Variants in CEP164 observed in about 807,000 individuals in gnomAD.
CEP164 encodes the protein centrosomal protein 164.
A neutral mutation model predicts 182.7 loss-of-function variants in CEP164; 162 were observed. That is an observed-to-expected ratio of 0.89 (90% CI 0.78 to 1.01). The LOEUF is 1.01. Among genes scored for constraint, CEP164 ranks in the 50% least tolerant of loss-of-function variants. The pLI, the probability that CEP164 is intolerant of heterozygous loss-of-function variation, is 0.00. For synonymous variants in CEP164, 661 were observed against 690.0 expected (o/e 0.96, Z 0.66); for missense variants, 1,735 against 1,790.4 (o/e 0.97, Z 0.56).
chr11:117,353,032 C>A (rs937654880), intron 5 of CEP164, among the ~76,000 whole-genome samples: 1 of 152,112 alleles, frequency 6.6e-6, no homozygotes, highest in Middle Eastern at 3.2e-3. Flanking sequence ...AGACCTGGAG[C>A]CATACCAAAG....
intron 4 of CEP164, among the ~76,000 whole-genome samples, chr11:117,346,297 C>T (rs937024132): frequency 6.7e-6 from 1 of 150,338 alleles, no homozygotes; most frequent in Non-Finnish European, 1.5e-5. Flanking sequence ...GAGATGGAGT[C>T]TTGCTCTGTC....
chr11:117,338,066 T>C (rs2037488408), intron 2 of CEP164, among the ~76,000 whole-genome samples: 1 of 152,244 alleles, frequency 6.6e-6, no homozygotes, highest in South Asian at 2.1e-4. Context: ...TTTTTTCCCT[T>C]CTGCCTTCTG....
At chr11:117,389,031 A>C (rs1368418473) in intron 15 of CEP164, among the ~76,000 whole-genome samples, 1 of 152,038 alleles carries the variant, frequency 6.6e-6, no homozygotes, top group African/African-American at 2.4e-5. Context: ...CGGCCTCCCA[A>C]AGTGCTGGGA....
rs182392746 is a variant in CEP164, at chr11:117,382,096, C to T, written c.1577+228C>T. ...GTGCCTCTTCCTAGTCCTCAGTCTA[C>T]AGCTGAAATCAGGGTATGTGGTCTG... On this transcript the variant is annotated intron_variant, in intron 13 of 32. Coordinates refer to ENST00000278935, the MANE Select transcript of CEP164 (RefSeq NM_014956.5). 3.9e-5 allele frequency among the ~76,000 whole-genome samples: 6 copies of T among 152,216 alleles called. No individual in the cohort carries two copies. The East Asian group carries it at 5.8e-4, about 15-fold the overall frequency.
At chr11:117,405,999 G>A (rs1367880312) in intron 27 of CEP164, among the ~76,000 whole-genome samples, 5 of 152,104 alleles carry the variant, frequency 3.3e-5, no homozygotes, top group Admixed American at 6.5e-5. Flanking sequence ...ACATTTTCCT[G>A]TCTTCTTCTG....
At position 117,339,515 on chromosome 11, in the gene CEP164, G is replaced by GTTTTTTTTTTTTTTTTTTTTT. The variant is rs1199425322; in HGVS notation, c.82+853_82+854insTTTTTTTTTTTTTTTTTTTTT. Among the ~76,000 whole-genome samples, 5 of 90,870 alleles carry GTTTTTTTTTTTTTTTTTTTTT rather than the reference G, an allele frequency of 5.5e-5. 2 individuals are homozygous for GTTTTTTTTTTTTTTTTTTTTT. The highest frequency in any genetic ancestry group is 4.1e-5 in the Non-Finnish European group (2 of 48,374). The allele number at this position is 90,870 out of a possible 152,430, so 59.6% of individuals were successfully genotyped here. On this transcript the variant is annotated intron_variant, in intron 3 of 32. Transcript: ENST00000278935. ...GTATTACCTTATTACCTTTTCCTTTGTTTTTTGTTTTTTTTTTTTTTTTTT... is the reference window on the plus strand; with the variant it reads ...GTATTACCTTATTACCTTTTCCTTTGTTTTTTTTTTTTTTTTTTTTTTTTTTTGTTTTTTTTTTTTTTTTTT...
At chr11:117,403,712 T>C (rs1339085034) in intron 27 of CEP164, among the ~76,000 whole-genome samples, 1 of 152,206 alleles carries the variant, frequency 6.6e-6, no homozygotes, top group Non-Finnish European at 1.5e-5. Flanking sequence ...TCCTGCTAGG[T>C]TGGGGAAGTT....
At chr11:117,401,065 G>C (rs180877278) in intron 27 of CEP164, among the ~76,000 whole-genome samples, 1 of 152,038 alleles carries the variant, frequency 6.6e-6, no homozygotes, top group African/African-American at 2.4e-5. Flanking sequence ...GTCTTGTGCC[G>C]GTTTTCAAAG....
chr11:117,389,058 C>T (rs1246820697), intron 15 of CEP164, among the ~76,000 whole-genome samples: 1 of 152,168 alleles, frequency 6.6e-6, no homozygotes, highest in African/African-American at 2.4e-5. Flanking sequence ...GCGTGAGCCA[C>T]TGTGCCCGGC....
At chr11:117,343,491 A>G (rs1475800103) in intron 3 of CEP164, among the ~76,000 whole-genome samples, 1 of 152,198 alleles carries the variant, frequency 6.6e-6, no homozygotes, top group East Asian at 1.9e-4. Context: ...TTTTGCACCA[A>G]GCTTTTGCAA....
At chr11:117,362,337 A>G (rs2041088854) in intron 6 of CEP164, 67 bp from the exon 7 acceptor site, 1 of 1,519,926 alleles carries the variant, frequency 6.6e-7, no homozygotes, top group Non-Finnish European at 9.0e-7. Flanking sequence ...AGTGGGGAGG[A>G]GCATTCTAAA....
At chr11:117,392,471 C>T (rs2136356863) in intron 18 of CEP164, 25 bp from the exon 19 acceptor site, 3 of 1,608,118 alleles carry the variant, frequency 1.9e-6, no homozygotes, top group Non-Finnish European at 2.5e-6. Context: ...GTCACACTCC[C>T]CTGTGTGTGC....
rs1297619026 is a variant in CEP164 at position 117,392,312 on chromosome 11, C to A, written c.2361+9C>A. The stretch of plus-strand genomic sequence containing the variant: ...AGGCCAAGCACCGGGAGGTAAGATG[C>A]AGCATCCTGGGCCCCCTTCATGGCT... On this transcript the variant is annotated intron_variant, in intron 18 of 32. Coordinates refer to ENST00000278935, the MANE Select transcript of CEP164 (RefSeq NM_014956.5). 6.2e-7 allele frequency: 1 copy of A among 1,607,862 alleles called. No individual in the cohort carries two copies. Among genetic ancestry groups the A allele is most frequent in the Admixed American group, 1.7e-5 (1 of 59,744 alleles).
chr11:117,380,691 A>G lies in CEP164; in HGVS notation c.1395A>G (p.Lys465=), dbSNP rs1381021747. 1 of 1,605,118 alleles carries G rather than the reference A, an allele frequency of 6.2e-7. No homozygotes were observed. Among genetic ancestry groups the G allele is most frequent in the Admixed American group, 1.7e-5 (1 of 59,022 alleles). Residue 465 remains lysine (K), a synonymous_variant, in exon 12 of 33, where the codon AAA becomes AAG. Transcript: ENST00000278935. The stretch of plus-strand genomic sequence containing the variant: ...ATGAGCTGCAGAGCAAGCAGTCCAA[A>G]GGCCTGGAGGAGAGGTACCATAGGT... ...SQDELQSKQS[K]GLEERLSPPL... is the part of the protein sequence containing the mutation.
chr11:117,387,917 T>C (rs936867931), intron 15 of CEP164, among the ~76,000 whole-genome samples: 12 of 152,332 alleles, frequency 7.9e-5, no homozygotes, highest in Non-Finnish European at 1.3e-4. Context: ...ATACAAGTAC[T>C]GGGAAGGTTG....
chr11:117,338,369 C>T (rs1406285809), intron 2 of CEP164, among the ~76,000 whole-genome samples, 197 bp from the exon 3 acceptor site: 1 of 152,196 alleles, frequency 6.6e-6, no homozygotes, highest in Non-Finnish European at 1.5e-5. Context: ...CTTTGGGAGA[C>T]CTTTGCCAGG....
intron 5 of CEP164, chr11:117,359,465 G>C (rs143602917): frequency 1.0e-4 from 99 of 985,448 alleles, no homozygotes; most frequent in Non-Finnish European, 1.2e-4. Flanking sequence ...AAGCTCAGGA[G>C]TGTCTCTCAC....
At chr11:117,347,496 A>G (rs2039054721) in intron 4 of CEP164, among the ~76,000 whole-genome samples, 1 of 152,024 alleles carries the variant, frequency 6.6e-6, no homozygotes, top group African/African-American at 2.4e-5. Flanking sequence ...GGATCACTTG[A>G]GGTTGGGAGT....
At chr11:117,336,319 G>C in intron 2 of CEP164, 1 of 1,488,566 alleles carries the variant, frequency 6.7e-7, no homozygotes. Flanking sequence ...CTTCTTGTCC[G>C]CTGTCACTGC....
Sources: gnomAD v4.1 joint callset for allele counts (sites outside exome capture counted in the v4.1 genomes callset) on GRCh38, gnomAD v4.1.1 for gene constraint, MANE v1.5 for transcripts, NCBI Gene and HGNC (gene_info 2026-07-23, HGNC 2026-07-21) for gene names.